Variants in TRAPPC11 observed in about 807,000 individuals in gnomAD.
TRAPPC11 encodes the protein foie gras homolog.
TRAPPC11 carries 104 observed loss-of-function variants against 151.2 expected under a neutral mutation model. The observed-to-expected ratio is 0.69, with a 90% CI of 0.59 to 0.81. The LOEUF is 0.81. TRAPPC11 is among the 30% of genes least tolerant of loss of function. The probability of loss-of-function intolerance (pLI) is 0.00; values close to 1 mark genes in which losing one functional copy is unlikely to be tolerated. For synonymous variants in TRAPPC11, 456 were observed against 472.3 expected (o/e 0.97, Z 0.45); for missense variants, 1,230 against 1,349.6 (o/e 0.91, Z 1.39).
chr4:183,686,944 G>C (rs1011660599), intron 18 of TRAPPC11, among the ~76,000 whole-genome samples, 196 bp downstream of exon 18: 5 of 152,152 alleles, frequency 3.3e-5, no homozygotes, highest in Admixed American at 6.5e-5. Context: ...ACTTTGGGAG[G>C]CCGAGGCAGG....
At chr4:183,708,925 CTG>C (rs1737210178) in intron 29 of TRAPPC11, among the ~76,000 whole-genome samples, 1 of 151,946 alleles carries the variant, frequency 6.6e-6, no homozygotes, top group African/African-American at 2.4e-5. Context: ...TTCCCTGTAA[CTG>C]TGTAATATTA....
intron 18 of TRAPPC11, 125 bp from the exon 19 acceptor site, chr4:183,691,191 C>A: frequency 1.4e-6 from 1 of 706,554 alleles, no homozygotes; most frequent in Non-Finnish European, 2.1e-6. Context: ...AAAATACTTC[C>A]TTTTATTAGT....
intron 28 of TRAPPC11, among the ~76,000 whole-genome samples, chr4:183,707,320 A>G (rs1737126023): frequency 6.6e-6 from 1 of 151,322 alleles, no homozygotes; most frequent in African/African-American, 2.4e-5. Flanking sequence ...TTAACAGCCC[A>G]TTTTTCTATC....
At chr4:183,667,962 T>A in intron 4 of TRAPPC11, 41 bp from the exon 5 acceptor site, 1 of 1,235,230 alleles carries the variant, frequency 8.1e-7, no homozygotes, top group Non-Finnish European at 1.2e-6. Context: ...GCTACATTAG[T>A]TATTTTATTT....
chr4:183,688,984 A>C (rs901581514), intron 18 of TRAPPC11, among the ~76,000 whole-genome samples: 1 of 151,988 alleles, frequency 6.6e-6, no homozygotes. Context: ...CAAGGAGCCC[A>C]CCCACCTCAG....
In TRAPPC11 at chr4:183,668,246, G is replaced by A. The variant is rs1428935077; in HGVS notation, c.560+129G>A. 19 of 516,858 alleles carry A rather than the reference G, an allele frequency of 3.7e-5. No individual in the cohort carries two copies. In the East Asian group the frequency reaches 6.1e-4, roughly 17 times the overall value. The allele number at this position is 516,858 out of a possible 1,614,324, so 32.0% of individuals were successfully genotyped here. On this transcript the variant is annotated intron_variant, in intron 5 of 29. Coordinates refer to ENST00000334690, the MANE Select transcript of TRAPPC11 (RefSeq NM_021942.6). ...ACATTCATATGATACAGAGGCTATG[G>A]GGTAAAAATAAAAGTCTTTTTTGTT...
rs1167436123 is a variant in TRAPPC11 at position 183,691,235 on chromosome 4, A to G, written c.1894-81A>G. The G allele has an allele frequency of 4.4e-6, 5 of 1,125,856 alleles. No individual in the cohort carries two copies. The South Asian group carries it at 1.1e-4, about 26-fold the overall frequency. The allele number at this position is 1,125,856 out of a possible 1,614,324, so 69.7% of individuals were successfully genotyped here. ...ATAATGCTTCAGTGTTTGTGGAGTT[A>G]TACTAAATGAGCTCCAAAGCACTTG... On this transcript the variant is annotated intron_variant, in intron 18 of 29. Transcript: ENST00000334690.
At chr4:183,666,468 T>C (rs764203500) in intron 3 of TRAPPC11, 42 bp downstream of exon 3, 2 of 1,592,220 alleles carry the variant, frequency 1.3e-6, no homozygotes, top group Non-Finnish European at 1.7e-6. Flanking sequence ...AGTTTGCACA[T>C]GTGTGTTATT....
intron 5 of TRAPPC11, among the ~76,000 whole-genome samples, chr4:183,668,375 C>G (rs1053076555): frequency 6.6e-6 from 1 of 152,102 alleles, no homozygotes; most frequent in Non-Finnish European, 1.5e-5. Context: ...ATATGTATTT[C>G]TTTATAGTAT....
intron 5 of TRAPPC11, among the ~76,000 whole-genome samples, chr4:183,669,529 G>C (rs1011460543): frequency 6.6e-6 from 1 of 152,132 alleles, no homozygotes; most frequent in African/African-American, 2.4e-5. Flanking sequence ...AACATTTAAG[G>C]CTTCAACGAA....
intron 29 of TRAPPC11, among the ~76,000 whole-genome samples, chr4:183,710,310 A>G (rs1737278487): frequency 6.6e-6 from 1 of 150,686 alleles, no homozygotes; most frequent in African/African-American, 2.4e-5. Context: ...TTTTTGAGAC[A>G]GCGTCTTGCT....
At chr4:183,699,852 A>G (rs1736717139) in intron 25 of TRAPPC11, among the ~76,000 whole-genome samples, 1 of 151,270 alleles carries the variant, frequency 6.6e-6, no homozygotes, top group African/African-American at 2.4e-5. Flanking sequence ...TTTTTGAGAC[A>G]GAGTCTCTGT....
At position 183,675,255 on chromosome 4, in the gene TRAPPC11, A is replaced by G. The variant is rs1357568568; in HGVS notation, c.734+18A>G. ...GCGCTGAAGTAAGTTAAGCTTTCAA[A>G]CTAAATGTTTCCTATTTTTATATTA... On this transcript the variant is annotated intron_variant, in intron 7 of 29. Coordinates refer to ENST00000334690, the MANE Select transcript of TRAPPC11 (RefSeq NM_021942.6). 1.4e-6 allele frequency: 2 copies of G among 1,454,954 alleles called. No homozygotes were observed. Among genetic ancestry groups the G allele is most frequent in the Non-Finnish European group, 9.3e-7 (1 of 1,080,676 alleles). 90.1% of individuals were successfully genotyped at this position (1,454,954 alleles called of 1,614,324 possible).
chr4:183,664,951 A>G (rs1388951937), intron 2 of TRAPPC11, among the ~76,000 whole-genome samples: 1 of 152,100 alleles, frequency 6.6e-6, no homozygotes, highest in African/African-American at 2.4e-5. Flanking sequence ...GGACTTGGTC[A>G]CCGGCTGATT....
At chr4:183,667,817 C>A (rs1200154401) in intron 4 of TRAPPC11, 186 bp from the exon 5 acceptor site, 19 of 591,150 alleles carry the variant, frequency 3.2e-5, no homozygotes, top group Non-Finnish European at 3.0e-6. Context: ...TCCTAAAAGG[C>A]ATATACTGTG....
intron 4 of TRAPPC11, 45 bp downstream of exon 4, chr4:183,667,175 T>C (rs867821146): frequency 6.7e-7 from 1 of 1,489,130 alleles, no homozygotes; most frequent in African/African-American, 1.4e-5. Flanking sequence ...ATACCTCCAA[T>C]TCTTATTAAA....
chr4:183,692,340 A>C (rs1377667215), intron 19 of TRAPPC11, among the ~76,000 whole-genome samples: 1 of 151,902 alleles, frequency 6.6e-6, no homozygotes, highest in African/African-American at 2.4e-5. Context: ...GTTTCTGTGA[A>C]CATGTTGCTT....
chr4:183,679,604 A>T, intron 9 of TRAPPC11, 118 bp downstream of exon 9: 2 of 718,640 alleles, frequency 2.8e-6, no homozygotes, highest in Non-Finnish European at 4.4e-6. Flanking sequence ...TAGGTTTTTG[A>T]TGATGTAGCA....
intron 4 of TRAPPC11, among the ~76,000 whole-genome samples, chr4:183,667,577 T>C (rs1232530317): frequency 6.6e-6 from 1 of 152,228 alleles, no homozygotes; most frequent in Non-Finnish European, 1.5e-5. Flanking sequence ...AGTTTTCTCT[T>C]GGAAAATGTC....
Sources: allele counts gnomAD v4.1 joint callset (sites outside exome capture counted in the v4.1 genomes callset), GRCh38; gene constraint gnomAD v4.1.1; transcripts MANE v1.5; gene names NCBI Gene and HGNC (gene_info 2026-07-23, HGNC 2026-07-21).